The following PRKAR2B variants were observed in gnomAD, a reference collection of about 807,000 sequenced individuals.
PRKAR2B encodes cAMP-dependent protein kinase type II-beta regulatory subunit.
A neutral mutation model predicts 49.9 loss-of-function variants in PRKAR2B; 14 were observed. That is an observed-to-expected ratio of 0.28 (90% CI 0.19 to 0.44). The LOEUF (loss-of-function observed/expected upper bound fraction) is 0.44. PRKAR2B is among the 20% of genes least tolerant of loss of function. The pLI, the probability that PRKAR2B is intolerant of heterozygous loss-of-function variation, is 1.00. For synonymous variants in PRKAR2B, 196 were observed against 197.7 expected, an observed-to-expected ratio of 0.99 and a Z score of 0.07; for missense variants, 393 against 537.9, an observed-to-expected ratio of 0.73 and a Z score of 2.67.
intron 2 of PRKAR2B, among the ~76,000 whole-genome samples, chr7:107,075,782 C>A (rs1045809837): frequency 6.6e-6 from 1 of 152,142 alleles, no homozygotes; most frequent in South Asian, 2.1e-4. Flanking sequence ...AAGCCATAAA[C>A]CCCTCAGCTT....
intron 2 of PRKAR2B, among the ~76,000 whole-genome samples, chr7:107,117,756 A>G (rs1370219380): frequency 2.0e-5 from 3 of 152,182 alleles, no homozygotes; most frequent in Non-Finnish European, 4.4e-5. Context: ...TAGCACATGA[A>G]AAGGTTGAGG....
At chr7:107,135,076 C>G (rs1795670447) in intron 4 of PRKAR2B, among the ~76,000 whole-genome samples, 1 of 151,554 alleles carries the variant, frequency 6.6e-6, no homozygotes, top group Non-Finnish European at 1.5e-5. Context: ...AATCATATAT[C>G]TGATAAAGAT....
Position 107,153,255 on chromosome 7 carries a change from T to G in PRKAR2B, c.918+4T>G, listed in dbSNP as rs1435234497. ...TGGAGAACAAATCATTGCTCAGGTA[T>G]GATATTTTGAAATGTAATTCAGTTT... is the stretch of plus-strand genomic sequence containing the variant. On this transcript the variant is annotated splice_donor_region_variant and intron_variant, in intron 8 of 10. Transcript: ENST00000265717. 1 of 1,593,104 alleles carries G rather than the reference T, an allele frequency of 6.3e-7. No homozygotes were observed. The highest frequency in any genetic ancestry group is 8.6e-7 in the Non-Finnish European group (1 of 1,167,946).
chr7:107,146,484 C>T (rs1795896436), intron 6 of PRKAR2B, 23 bp downstream of exon 6: 1 of 1,600,868 alleles, frequency 6.2e-7, no homozygotes, highest in African/African-American at 1.3e-5. Context: ...CTTATTTGAC[C>T]TGAATGTTAT....
chr7:107,078,440 A>C (rs1167774680), intron 2 of PRKAR2B, among the ~76,000 whole-genome samples: 2 of 152,152 alleles, frequency 1.3e-5, no homozygotes, highest in Non-Finnish European at 2.9e-5. Context: ...ATGCCAGGGC[A>C]CAGGCCTGGG....
chr7:107,103,140 C>T (rs981500004), intron 2 of PRKAR2B, among the ~76,000 whole-genome samples: 8 of 152,144 alleles, frequency 5.3e-5, no homozygotes, highest in South Asian at 2.1e-4. Flanking sequence ...TGTATCTAAT[C>T]GCTTTTCAAA....
intron 1 of PRKAR2B, among the ~76,000 whole-genome samples, chr7:107,057,121 C>T (rs548094140): frequency 6.6e-6 from 1 of 152,250 alleles, no homozygotes; most frequent in Admixed American, 6.5e-5. Flanking sequence ...AGGCAAGCTG[C>T]CTTCCTCCCT....
chr7:107,134,124 G>T (rs1468033259), intron 4 of PRKAR2B, among the ~76,000 whole-genome samples: 1 of 152,014 alleles, frequency 6.6e-6, no homozygotes, highest in Non-Finnish European at 1.5e-5. Context: ...CGCCTCCTGG[G>T]TTCAAGTGAT....
In PRKAR2B at chr7:107,045,087, C is replaced by T; in HGVS notation, c.180C>T (p.Asp60=). Reference sequence around the variant, plus strand: ...GCCATGAGGGCAGGACCTGGGGGGACCTGGGCGCCGCTGCCGGGGGCGGCA... The same window carrying T: ...GCCATGAGGGCAGGACCTGGGGGGATCTGGGCGCCGCTGCCGGGGGCGGCA... ...RFGHEGRTWG[D]LGAAAGGGTP... The change falls in exon 1 of 11, where the codon GAC becomes GAT. Residue 60 remains aspartate, a synonymous_variant. Coordinates refer to ENST00000265717, the MANE Select transcript of PRKAR2B (RefSeq NM_002736.3). 1 of 1,534,026 alleles carries T rather than the reference C, an allele frequency of 6.5e-7. No homozygotes were observed. Among genetic ancestry groups the T allele is most frequent in the African/African-American group, 1.4e-5 (1 of 72,976 alleles).
chr7:107,150,698 TAAAAAAAAAAAAA>T (rs58258955), intron 6 of PRKAR2B, among the ~76,000 whole-genome samples: 6 of 140,630 alleles, frequency 4.3e-5, no homozygotes, highest in African/African-American at 1.6e-4. Context: ...ATGCTTTCTT[TAAAAAAAAAAAAA>T]AAAAAAAAAA....
Position 107,066,303 on chromosome 7 carries a change from T to G in PRKAR2B, c.308-3978T>G, listed in dbSNP as rs199795240. On this transcript the variant is annotated intron_variant, in intron 1 of 10. Coordinates refer to ENST00000265717, the MANE Select transcript of PRKAR2B (RefSeq NM_002736.3). Reference sequence around the variant, plus strand: ...TCTCTAGTTTTCTCTCTATGTGGGGTGTGTGTGTGTGTGTGTGTGTGTGTG... The same window carrying G: ...TCTCTAGTTTTCTCTCTATGTGGGGGGTGTGTGTGTGTGTGTGTGTGTGTG... 9.4e-3 allele frequency among the ~76,000 whole-genome samples: 1,220 copies of G among 130,124 alleles called. 15 individuals carry two copies. Among genetic ancestry groups the G allele is most frequent in the African/African-American group, 0.032 (969 of 30,144 alleles). 85.4% of individuals were successfully genotyped at this position (130,124 alleles called of 152,430 possible).
intron 1 of PRKAR2B, among the ~76,000 whole-genome samples, chr7:107,055,962 G>A (rs889230204): frequency 2.6e-5 from 4 of 152,312 alleles, no homozygotes; most frequent in Non-Finnish European, 5.9e-5. Flanking sequence ...TAACATTTAA[G>A]TCTTTAATCC....
In PRKAR2B at chr7:107,045,080, G is replaced by T. The variant is rs1397819615; in HGVS notation, c.173G>T (p.Trp58Leu). 4 of 1,535,584 alleles carry T rather than the reference G, an allele frequency of 2.6e-6. No homozygotes were observed. In the East Asian group the frequency reaches 7.3e-5, roughly 28 times the overall value. The change falls in exon 1 of 11, where the codon TGG becomes TTG. Residue 58 changes from tryptophan to leucine, a missense_variant. Transcript: ENST00000265717. ...CGCTTCGGCCATGAGGGCAGGACCT[G>T]GGGGGACCTGGGCGCCGCTGCCGGG... ...TARFGHEGRT[W>L]GDLGAAAGGG...
chr7:107,092,738 C>G (rs908209145), intron 2 of PRKAR2B, among the ~76,000 whole-genome samples: 1 of 152,120 alleles, frequency 6.6e-6, no homozygotes, highest in East Asian at 1.9e-4. Context: ...ATAAAATTCA[C>G]GATTTTTACC....
At chr7:107,105,845 C>G (rs1249193327) in intron 2 of PRKAR2B, among the ~76,000 whole-genome samples, 1 of 152,154 alleles carries the variant, frequency 6.6e-6, no homozygotes, top group African/African-American at 2.4e-5. Flanking sequence ...ATGGATAACC[C>G]TGAGGCAGAA....
chr7:107,092,158 A>T (rs1051237318), intron 2 of PRKAR2B, among the ~76,000 whole-genome samples: 1 of 151,994 alleles, frequency 6.6e-6, no homozygotes, highest in Non-Finnish European at 1.5e-5. Flanking sequence ...ATAGGTTTGG[A>T]TCAGATTGTG....
intron 4 of PRKAR2B, among the ~76,000 whole-genome samples, chr7:107,134,109 A>G (rs1344219646): frequency 6.6e-6 from 1 of 151,678 alleles, no homozygotes; most frequent in Non-Finnish European, 1.5e-5. Context: ...GCTCACTGCA[A>G]CCTCCGCCTC....
chr7:107,092,273 G>A (rs1427503851), intron 2 of PRKAR2B, among the ~76,000 whole-genome samples: 3 of 148,648 alleles, frequency 2.0e-5, no homozygotes, highest in Non-Finnish European at 3.0e-5. Flanking sequence ...GTGTGTGCGT[G>A]TGTCTGTGTG....
chr7:107,070,972 G>A (rs181320007), intron 2 of PRKAR2B, among the ~76,000 whole-genome samples: 1 of 152,276 alleles, frequency 6.6e-6, no homozygotes, highest in East Asian at 1.9e-4. Flanking sequence ...AATATACTGT[G>A]TACTATTTAA....
Sources: gnomAD v4.1 joint callset for allele counts (sites outside exome capture counted in the v4.1 genomes callset) on GRCh38, gnomAD v4.1.1 for gene constraint, MANE v1.5 for transcripts, NCBI Gene and HGNC (gene_info 2026-07-23, HGNC 2026-07-21) for gene names.